The following PRELID2 variants were observed in gnomAD, a reference collection of about 807,000 sequenced individuals.
PRELID2 encodes the protein PRELI domain-containing protein 2.
A neutral mutation model predicts 28.4 loss-of-function variants in PRELID2; 25 were observed. The ratio of observed to expected loss-of-function variants is 0.88; its 90% CI spans 0.64 to 1.23. PRELID2 has a LOEUF of 1.23. PRELID2 is among the 50% of genes most tolerant of loss of function. The probability of loss-of-function intolerance (pLI) is 0.00; values close to 1 mark genes in which losing one functional copy is unlikely to be tolerated. For synonymous variants in PRELID2, 76 were observed against 71.6 expected, an observed-to-expected ratio of 1.06 and a Z score of -0.31; for missense variants, 201 against 214.4, an observed-to-expected ratio of 0.94 and a Z score of 0.39.
the PRELID2 span, among the ~76,000 whole-genome samples, chr5:145,246,554 T>G: frequency 6.6e-6 from 1 of 152,094 alleles, no homozygotes; most frequent in Non-Finnish European, 1.5e-5. Flanking sequence ...CCTTCCTTCC[T>G]TCCTTCCTTC....
At chr5:145,631,324 C>T (rs1438256599) in intron 1 of PRELID2, among the ~76,000 whole-genome samples, 1 of 152,202 alleles carries the variant, frequency 6.6e-6, no homozygotes, top group Non-Finnish European at 1.5e-5. Context: ...AGCCAAGAAA[C>T]AGTGTGGCTG....
At chr5:145,546,965 G>T (rs1232855604) in intron 1 of PRELID2, among the ~76,000 whole-genome samples, 2 of 152,144 alleles carry the variant, frequency 1.3e-5, no homozygotes, top group African/African-American at 4.8e-5. Context: ...TAAAGCGGGA[G>T]TAATACCTAC....
chr5:145,545,307 T>C (rs1188803495), intron 1 of PRELID2, among the ~76,000 whole-genome samples: 2 of 152,188 alleles, frequency 1.3e-5, no homozygotes, highest in East Asian at 3.9e-4. Context: ...ATCTAGTCTA[T>C]TTTCGAACTC....
At chr5:145,408,967 C>A in the PRELID2 span, among the ~76,000 whole-genome samples, 5 of 152,166 alleles carry the variant, frequency 3.3e-5, no homozygotes, top group Middle Eastern at 3.4e-3. Context: ...AGCTGTGAGG[C>A]AAAATCATCA....
At chr5:145,259,250 G>A in the PRELID2 span, among the ~76,000 whole-genome samples, 1 of 152,210 alleles carries the variant, frequency 6.6e-6, no homozygotes, top group Non-Finnish European at 1.5e-5. Context: ...TGGGATTTGA[G>A]CCCCTACACA....
chr5:145,434,016 T>C, the PRELID2 span, among the ~76,000 whole-genome samples: 11 of 152,156 alleles, frequency 7.2e-5, 1 homozygote, highest in African/African-American at 2.4e-5. Context: ...GAGGCATAGA[T>C]TGCATGTTTT....
the PRELID2 span, among the ~76,000 whole-genome samples, chr5:145,414,267 C>T: frequency 1.3e-5 from 2 of 152,140 alleles, no homozygotes; most frequent in Non-Finnish European, 2.9e-5. Context: ...AATTGAACTA[C>T]TTGGCAGATG....
the PRELID2 span, among the ~76,000 whole-genome samples, chr5:145,377,715 C>T: frequency 2.0e-5 from 3 of 152,052 alleles, no homozygotes; most frequent in South Asian, 6.2e-4. Flanking sequence ...TTTTCTCCAT[C>T]CCTTTATTTT....
At chr5:145,452,740 G>A in the PRELID2 span, among the ~76,000 whole-genome samples, 1 of 152,030 alleles carries the variant, frequency 6.6e-6, no homozygotes, top group African/African-American at 2.4e-5. Flanking sequence ...GTGAAGGGAA[G>A]CAAGGAAGAA....
chr5:145,623,406 C>T (rs768898836), intron 1 of PRELID2, among the ~76,000 whole-genome samples: 1 of 151,716 alleles, frequency 6.6e-6, no homozygotes, highest in Non-Finnish European at 1.5e-5. Context: ...CAAGATCATG[C>T]CACTGCACTC....
At chr5:145,695,580 T>A (rs1047756660) in intron 1 of PRELID2, among the ~76,000 whole-genome samples, 17 of 151,588 alleles carry the variant, frequency 1.1e-4, no homozygotes, top group African/African-American at 4.2e-4. Flanking sequence ...AGGTCCTGGC[T>A]CAGAGTCTCT....
At chr5:145,750,151 CA>C (rs1757090149) in intron 1 of PRELID2, among the ~76,000 whole-genome samples, 4 of 151,724 alleles carry the variant, frequency 2.6e-5, no homozygotes. Context: ...AAACAGAAAT[CA>C]CCAAGCCGAG....
the PRELID2 span, among the ~76,000 whole-genome samples, chr5:145,318,136 T>C: frequency 6.6e-6 from 1 of 152,178 alleles, no homozygotes; most frequent in Non-Finnish European, 1.5e-5. Flanking sequence ...AAGTCTCAAT[T>C]GGGCTACTAG....
chr5:145,311,755 A>G, the PRELID2 span, among the ~76,000 whole-genome samples: 1 of 152,180 alleles, frequency 6.6e-6, no homozygotes, highest in South Asian at 2.1e-4. Flanking sequence ...GCTACATGAT[A>G]TGGATGAACA....
At chr5:145,507,285 G>T (rs1397660591) in intron 1 of PRELID2, among the ~76,000 whole-genome samples, 1 of 152,076 alleles carries the variant, frequency 6.6e-6, no homozygotes, top group Non-Finnish European at 1.5e-5. Flanking sequence ...TAAAGGATTT[G>T]GAATCAAGTT....
At chr5:145,483,748 G>T in intron 1 of PRELID2, among the ~76,000 whole-genome samples, 1 of 152,228 alleles carries the variant, frequency 6.6e-6, no homozygotes, top group Non-Finnish European at 1.5e-5. Flanking sequence ...ACAATCTACG[G>T]AGTTGAAAAC....
At chr5:145,377,314 G>T in the PRELID2 span, among the ~76,000 whole-genome samples, 1 of 152,068 alleles carries the variant, frequency 6.6e-6, no homozygotes, top group African/African-American at 2.4e-5. Context: ...CCAATTACAT[G>T]ATCAGTTTTA....
chr5:145,498,525 T>TTTG (rs369839847), intron 1 of PRELID2, among the ~76,000 whole-genome samples: 47 of 151,732 alleles, frequency 3.1e-4, no homozygotes, highest in Admixed American at 1.2e-3. Context: ...TTTGCTTTGT[T>TTTG]TTGTTGTTGT....
chr5:145,492,307 T>G (rs1034808817), intron 1 of PRELID2, among the ~76,000 whole-genome samples: 5 of 152,184 alleles, frequency 3.3e-5, no homozygotes, highest in Non-Finnish European at 7.3e-5. Flanking sequence ...ATATACCTGT[T>G]GGCCATTTAT....
Sources: gnomAD v4.1 joint callset for allele counts (sites outside exome capture counted in the v4.1 genomes callset) on GRCh38, gnomAD v4.1.1 for gene constraint, MANE v1.5 for transcripts, NCBI Gene and HGNC (gene_info 2026-07-23, HGNC 2026-07-21) for gene names.